Variants in ERBB2 observed in about 807,000 individuals in gnomAD.
ERBB2 encodes erb-b2 receptor tyrosine kinase 2.
Under a neutral mutation model 149.0 loss-of-function variants are expected in ERBB2, and 61 were observed. The ratio of observed to expected loss-of-function variants is 0.41; its 90% CI spans 0.33 to 0.51. The LOEUF is 0.51. ERBB2 is among the 20% of genes least tolerant of loss of function. The pLI is 0.25. For missense variants in ERBB2, 1,205 were observed against 1,655.1 expected (o/e 0.73, Z 4.72); for synonymous variants, 633 against 678.8 (o/e 0.93, Z 1.05).
chr17:39,710,211 TC>T lies in ERBB2; in HGVS notation c.759+11del. ...GCACTCTGACTGCCTGGTATGTGCC[TC>T]TGCTTTGTGCCCAATGTGCTCTACC... On this transcript the variant is annotated intron_variant, in intron 6 of 26. Transcript: ENST00000269571. 1 of 1,611,718 alleles carries T rather than the reference TC, an allele frequency of 6.2e-7. No homozygotes were observed. The highest frequency in any genetic ancestry group is 8.5e-7 in the Non-Finnish European group (1 of 1,178,498).
chr17:39,710,739 G>C (rs1243185345), intron 7 of ERBB2, among the ~76,000 whole-genome samples: 1 of 152,222 alleles, frequency 6.6e-6, no homozygotes, highest in Non-Finnish European at 1.5e-5. Flanking sequence ...CCCTCTTGCT[G>C]TGCCTCAGTT....
Position 39,723,127 on chromosome 17 carries a change from G to A in ERBB2, c.1947-192G>A, listed in dbSNP as rs942424385. Among the ~76,000 whole-genome samples the A allele has an allele frequency of 6.6e-6, 1 of 152,160 alleles. No individual in the cohort carries two copies. Among genetic ancestry groups the A allele is most frequent in the Non-Finnish European group, 1.5e-5 (1 of 68,038 alleles). On this transcript the variant is annotated intron_variant, in intron 16 of 26. Coordinates refer to ENST00000269571, the MANE Select transcript of ERBB2 (RefSeq NM_004448.4). This position sits in a 1 kb window ranked among gnomAD's most constrained non-coding sequence, Gnocchi z 6.2. Reference sequence around the variant, plus strand: ...CGGAGAGGGTTCTGATTGCCTACAAGGAGTTTGGACTTTATTGTGGAGGCA... The same window carrying A: ...CGGAGAGGGTTCTGATTGCCTACAAAGAGTTTGGACTTTATTGTGGAGGCA...
Position 39,723,201 on chromosome 17 carries a change from G to C in ERBB2, c.1947-118G>C, listed in dbSNP as rs905890274. 9.4e-7 allele frequency: 1 copy of C among 1,064,294 alleles called. No homozygotes were observed. 65.9% of individuals were successfully genotyped at this position (1,064,294 alleles called of 1,614,324 possible). A position where few individuals can be genotyped will look rare whatever the true frequency, so the allele number is the denominator to read the frequency against. On this transcript the variant is annotated intron_variant, in intron 16 of 26. Transcript: ENST00000269571. The surrounding 1 kb of genome is among the most constrained non-coding windows in gnomAD (Gnocchi z 6.2). ...GAGTAGGAGAGGGTCCAAGCCTGTGGGTCACCCTTCCGACTTCCCTTTCCG... is the reference window on the plus strand; with the variant it reads ...GAGTAGGAGAGGGTCCAAGCCTGTGCGTCACCCTTCCGACTTCCCTTTCCG...
upstream of ERBB2, chr17:39,693,111 T>G (rs997697329): frequency 6.6e-6 from 1 of 152,136 alleles, no homozygotes; most frequent in Non-Finnish European, 1.5e-5. Flanking sequence ...TTTCATGCAG[T>G]AGCAAGCATC....
In ERBB2 at chr17:39,728,286, A is replaced by G. The variant is rs986684752; in HGVS notation, c.*242A>G. Reference sequence around the variant, plus strand: ...TTTGTGGATTCTGAGGCCCTGCCCAATGAGACTCTAGGGTCCAGTGGATGC... The same window carrying G: ...TTTGTGGATTCTGAGGCCCTGCCCAGTGAGACTCTAGGGTCCAGTGGATGC... On this transcript the variant is annotated 3_prime_UTR_variant, in exon 27 of 27. Transcript: ENST00000269571. 3.4e-5 allele frequency: 15 copies of G among 443,756 alleles called. No individual in the cohort carries two copies. The highest frequency in any genetic ancestry group is 9.7e-5 in the African/African-American group (5 of 51,792). 27.5% of individuals were successfully genotyped at this position (443,756 alleles called of 1,614,324 possible). A position where few individuals can be genotyped will look rare whatever the true frequency, so the allele number is the denominator to read the frequency against.
chr17:39,725,050 G>C lies in ERBB2; in HGVS notation c.2495G>C (p.Gly832Ala), dbSNP rs2145861999. 6.2e-7 allele frequency: 1 copy of C among 1,614,128 alleles called. No homozygotes were observed. The highest frequency in any genetic ancestry group is 8.5e-7 in the Non-Finnish European group (1 of 1,180,008). ...LLNWCMQIAK[G>A]MSYLEDVRLV... is the part of the protein sequence containing the mutation. ...CTACATGGGTGCTTCCCATTCCAGGGGATGAGCTACCTGGAGGATGTGCGG... is the reference window on the plus strand; with the variant it reads ...CTACATGGGTGCTTCCCATTCCAGGCGATGAGCTACCTGGAGGATGTGCGG... Residue 832 changes from glycine (G) to alanine (A), a missense_variant and splice_region_variant, in exon 21 of 27, where the codon GGG becomes GCG. Transcript: ENST00000269571. This position sits in a 1 kb window ranked among gnomAD's most constrained non-coding sequence, Gnocchi z 4.6.
chr17:39,726,201 G>A lies in ERBB2; in HGVS notation c.2872+348G>A. ...ATAAAAAAATTATCTGGGTGTGGTG[G>A]TGTGTGCCAGTAGTCCCAGCTACTC... On this transcript the variant is annotated intron_variant, in intron 23 of 26. Transcript: ENST00000269571. The surrounding 1 kb of genome is among the most constrained non-coding windows in gnomAD (Gnocchi z 5.1). The A allele has an allele frequency of 2.5e-6, 1 of 405,706 alleles. No homozygotes were observed. The allele number at this position is 405,706 out of a possible 1,614,324, so 25.1% of individuals were successfully genotyped here.
At chr17:39,717,561 C>A (rs2145716822) in intron 15 of ERBB2, 81 bp downstream of exon 15, 1 of 1,147,664 alleles carries the variant, frequency 8.7e-7, no homozygotes, top group Non-Finnish European at 1.2e-6. Flanking sequence ...AAAAGGGGAC[C>A]AACTCTCCCT....
At chr17:39,698,840 A>C (rs1049997547), upstream of ERBB2, among the ~76,000 whole-genome samples, 1 of 152,142 alleles carries the variant, frequency 6.6e-6, no homozygotes, top group African/African-American at 2.4e-5. Context: ...GGGGCATTCC[A>C]ACTAGAACTG....
chr17:39,695,704 T>TACACACACACACACACACACACAC (rs56249643), upstream of ERBB2, among the ~76,000 whole-genome samples: 28 of 96,654 alleles, frequency 2.9e-4, no homozygotes, highest in East Asian at 8.2e-4. Flanking sequence ...GGTGCATGCA[T>TACACACACACACACACACACACAC]ACACACACAC....
rs1207391721 is a variant in ERBB2, at chr17:39,727,355, C to T, written c.3220C>T (p.Pro1074Ser). ...CTCTGAAGAGGAGGCCCCCAGGTCT[C>T]CACTGGCACCCTCCGAAGGGGCTGG... ...EPSEEEAPRS[P>S]LAPSEGAGSD... Residue 1074 changes from proline to serine, a missense_variant, in exon 26 of 27, where the codon CCA (proline) becomes TCA (serine). Physicochemically the swap from Pro to Ser is moderately conservative, Grantham distance 74. Transcript: ENST00000269571. This position sits in a 1 kb window ranked among gnomAD's most constrained non-coding sequence, Gnocchi z 4.3. 1.2e-6 allele frequency: 2 copies of T among 1,611,724 alleles called. No individual in the cohort carries two copies. Among genetic ancestry groups the T allele is most frequent in the Non-Finnish European group, 1.7e-6 (2 of 1,179,242 alleles).
In ERBB2 at chr17:39,728,048, A is replaced by G. The variant is rs2143325119; in HGVS notation, c.*4A>G. ...GGGTCTGGACGTGCCAGTGTGAACC[A>G]GAAGGCCAAGTCCGCAGAAGCCCTG... On this transcript the variant is annotated 3_prime_UTR_variant, in exon 27 of 27. Transcript: ENST00000269571. 1 of 1,567,450 alleles carries G rather than the reference A, an allele frequency of 6.4e-7. No homozygotes were observed. The highest frequency in any genetic ancestry group is 8.7e-7 in the Non-Finnish European group (1 of 1,155,838).
At chr17:39,721,680 A>G (rs2059461183) in intron 16 of ERBB2, among the ~76,000 whole-genome samples, 1 of 152,088 alleles carries the variant, frequency 6.6e-6, no homozygotes, top group South Asian at 2.1e-4. Flanking sequence ...GTGGGTGGAA[A>G]TTTTGGCTAG....
Position 39,719,640 on chromosome 17 carries a change from G to A in ERBB2, c.1899-147G>A, listed in dbSNP as rs144580279. ...GTCTCCTTGTGAGGTGGTAGAAGGA[G>A]CACTGACGGCCTTGAGCCCAGTTTC... On this transcript the variant is annotated intron_variant, in intron 15 of 26. Coordinates refer to ENST00000269571, the MANE Select transcript of ERBB2 (RefSeq NM_004448.4). 2.3e-4 allele frequency: 179 copies of A among 764,324 alleles called. No homozygotes were observed. In the African/African-American group the frequency reaches 2.7e-3, roughly 12 times the overall value. The allele number at this position is 764,324 out of a possible 1,614,324, so 47.3% of individuals were successfully genotyped here.
chr17:39,725,934 G>T lies in ERBB2; in HGVS notation c.2872+81G>T. The stretch of plus-strand genomic sequence containing the variant: ...GGAGCCCACAAGGGGCATGAAAGGG[G>T]ACCAGGATGTATGTAGACCCAGGAG... On this transcript the variant is annotated intron_variant, in intron 23 of 26. Coordinates refer to ENST00000269571, the MANE Select transcript of ERBB2 (RefSeq NM_004448.4). The surrounding 1 kb of genome is among the most constrained non-coding windows in gnomAD (Gnocchi z 4.6). 3.4e-6 allele frequency: 5 copies of T among 1,479,048 alleles called. No individual in the cohort carries two copies. The South Asian group carries it at 5.9e-5, about 17-fold the overall frequency. 91.6% of individuals were successfully genotyped at this position (1,479,048 alleles called of 1,614,324 possible). A position where few individuals can be genotyped will look rare whatever the true frequency, so the allele number is the denominator to read the frequency against.
intron 2 of ERBB2, among the ~76,000 whole-genome samples, chr17:39,689,668 G>A (rs1232205464): frequency 6.6e-6 from 1 of 152,152 alleles, no homozygotes; most frequent in Non-Finnish European, 1.5e-5. Flanking sequence ...CACTTTGGGA[G>A]GCCGAGGCGG....
rs1428243929 is a variant in ERBB2 at position 39,700,249 on chromosome 17, C to T, written c.11C>T (p.Ala4Val). 4 of 1,441,500 alleles carry T rather than the reference C, an allele frequency of 2.8e-6. No homozygotes were observed. Among genetic ancestry groups the T allele is most frequent in the African/African-American group, 3.0e-5 (2 of 67,686 alleles). 89.3% of individuals were successfully genotyped at this position (1,441,500 alleles called of 1,614,324 possible). Residue 4 changes from alanine to valine, a missense_variant, in exon 1 of 27, where the codon GCG becomes GTG. By Grantham distance (64) the Ala-to-Val change is moderately conservative. Around this residue, in one of 6 missense-constraint regions of ERBB2, gnomAD observed 101 missense variants for 95.1 expected, o/e 1.06. Coordinates refer to ENST00000269571, the MANE Select transcript of ERBB2 (RefSeq NM_004448.4). MEL[A>V]ALCRWGLLLA... ...GCCGCAGTGAGCACCATGGAGCTGGCGGCCTTGTGCCGCTGGGGGCTCCTC... is the reference window on the plus strand; with the variant it reads ...GCCGCAGTGAGCACCATGGAGCTGGTGGCCTTGTGCCGCTGGGGGCTCCTC...
At chr17:39,721,777 G>A (rs545198774) in intron 16 of ERBB2, among the ~76,000 whole-genome samples, 2 of 152,202 alleles carry the variant, frequency 1.3e-5, no homozygotes, top group African/African-American at 4.8e-5. Flanking sequence ...TATGCATACA[G>A]ACTGTGTGCT....
chr17:39,723,523 A>AC lies in ERBB2; in HGVS notation c.2086-10dup. On this transcript the variant is annotated splice_polypyrimidine_tract_variant and intron_variant, in intron 17 of 26. Coordinates refer to ENST00000269571, the MANE Select transcript of ERBB2 (RefSeq NM_004448.4). The surrounding 1 kb of genome is among the most constrained non-coding windows in gnomAD (Gnocchi z 6.2). The stretch of plus-strand genomic sequence containing the variant: ...CACCGGCCCCCGGCACTGACCCACC[A>AC]CCCCCTCACCCCAGCTGGTGGAGCC... 1 of 1,611,836 alleles carries AC rather than the reference A, an allele frequency of 6.2e-7. No homozygotes were observed. The highest frequency in any genetic ancestry group is 1.1e-5 in the South Asian group (1 of 90,828).
Sources: allele counts gnomAD v4.1 joint callset (sites outside exome capture counted in the v4.1 genomes callset), GRCh38; gene constraint gnomAD v4.1.1; regional missense constraint gnomAD v4.1.1; non-coding constraint Gnocchi (gnomAD v3.1); transcripts MANE v1.5; gene names NCBI Gene and HGNC (gene_info 2026-07-23, HGNC 2026-07-21).